The following STAG2 variants were observed in gnomAD, a reference collection of about 807,000 sequenced individuals.
The protein encoded by STAG2 is cohesin subunit SA-2.
Under a neutral mutation model 108.1 loss-of-function variants are expected in STAG2, and 14 were observed. That is an observed-to-expected ratio of 0.13 (90% confidence interval 0.09 to 0.20). STAG2 has a LOEUF of 0.20. Among genes scored for constraint, STAG2 ranks in the 10% least tolerant of loss-of-function variants. The pLI, the probability that STAG2 is intolerant of heterozygous loss-of-function variation, is 1.00. For missense variants in STAG2, 440 were observed against 940.9 expected, an observed-to-expected ratio of 0.47 and a Z score of 6.96; for synonymous variants, 307 against 302.7, an observed-to-expected ratio of 1.01 and a Z score of -0.15.
intron 1 of STAG2, among the ~76,000 whole-genome samples, chrX:124,014,130 T>C (rs1321950845): frequency 9.0e-6 from 1 of 111,364 alleles, no homozygotes; most frequent in African/African-American, 3.3e-5. Flanking sequence ...TATAATACGC[T>C]TAAAAATAGG....
intron 1 of STAG2, among the ~76,000 whole-genome samples, chrX:124,011,501 A>G (rs1378966808): frequency 8.9e-6 from 1 of 111,791 alleles, no homozygotes; most frequent in Non-Finnish European, 1.9e-5. Context: ...CCTTGAGTAT[A>G]ATATTAGCTA....
At position 124,076,422 on chromosome X, in the gene STAG2, C is replaced by G; in HGVS notation, c.2624C>G (p.Thr875Ser). ...GCATTTTGTAAGCTAATTGTATATA[C>G]TGTGGTGGAGATGAATACAGCTGCA... ...LAAFCKLIVY[T>S]VVEMNTAADI... Residue 875 changes from threonine to serine, a missense_variant, in exon 26 of 35, where the codon ACT (threonine) becomes AGT (serine). By Grantham distance (58) the Thr-to-Ser change is moderately conservative. Around this residue, in one of 3 missense-constraint regions of STAG2, gnomAD observed 337 missense variants for 649.3 expected, o/e 0.52. Coordinates refer to ENST00000371145, the MANE Select transcript of STAG2 (RefSeq NM_001042750.2). 7 of 1,204,031 alleles carry G rather than the reference C, an allele frequency of 5.8e-6. No individual in the cohort carries two copies. The highest frequency in any genetic ancestry group is 7.8e-6 in the Non-Finnish European group (7 of 891,958).
intron 6 of STAG2, among the ~76,000 whole-genome samples, chrX:124,040,254 A>G (rs2057666942): frequency 9.0e-6 from 1 of 111,456 alleles, no homozygotes; most frequent in East Asian, 2.8e-4. Flanking sequence ...GCATGGAGGG[A>G]TATTTAACTC....
At chrX:123,993,134 A>G (rs2055560446) in intron 1 of STAG2, among the ~76,000 whole-genome samples, 1 of 111,266 alleles carries the variant, frequency 9.0e-6, no homozygotes, top group African/African-American at 3.3e-5. Flanking sequence ...TATTTAGACT[A>G]AAAACTGGGT....
At chrX:124,025,764 T>C (rs1219483220) in intron 3 of STAG2, 76 bp from the exon 4 acceptor site, 2 of 748,307 alleles carry the variant, frequency 2.7e-6, no homozygotes, top group Non-Finnish European at 3.8e-6. Flanking sequence ...GCCTTTCTTT[T>C]AGAAAATATG....
Position 124,101,599 on chromosome X carries a change from A to G in STAG2, c.*1002A>G. The G allele has an allele frequency of 6.3e-6, 1 of 159,212 alleles. No individual in the cohort carries two copies. Among genetic ancestry groups the G allele is most frequent in the Non-Finnish European group, 1.2e-5 (1 of 82,193 alleles). 13.1% of individuals were successfully genotyped at this position (159,212 alleles called of 1,213,427 possible). A position where few individuals can be genotyped will look rare whatever the true frequency, so the allele number is the denominator to read the frequency against. ...TTCAGAAATATATTGAAAGTTTAACAATGTTTAAAAATAGAAAAGCATGAG... is the reference window on the plus strand; with the variant it reads ...TTCAGAAATATATTGAAAGTTTAACGATGTTTAAAAATAGAAAAGCATGAG... On this transcript the variant is annotated 3_prime_UTR_variant, in exon 35 of 35. Coordinates refer to ENST00000371145, the MANE Select transcript of STAG2 (RefSeq NM_001042750.2).
At chrX:124,071,048 GT>G in intron 24 of STAG2, 100 bp from the exon 25 acceptor site, 1 of 612,840 alleles carries the variant, frequency 1.6e-6, no homozygotes, top group Non-Finnish European at 2.3e-6. Context: ...AATATAGAAA[GT>G]TGGATTCTGT....
At chrX:123,999,789 A>G (rs933369594) in intron 1 of STAG2, among the ~76,000 whole-genome samples, 7 of 109,910 alleles carry the variant, frequency 6.4e-5, no homozygotes, top group East Asian at 2.9e-4. Flanking sequence ...TAATTTTTAT[A>G]TATTTTGTGT....
In STAG2 at chrX:124,009,945, G is replaced by A. The variant is rs2056464428; in HGVS notation, c.-162-11422G>A. Among the ~76,000 whole-genome samples the A allele has an allele frequency of 2.7e-5, 3 of 111,269 alleles. No individual in the cohort carries two copies. In the Admixed American group the frequency reaches 2.9e-4, roughly 11 times the overall value. ...GACAAAAAGTCTCAAAATATTCTGA[G>A]TGTAGATATCAATGATTAGTGTCTT... is the stretch of plus-strand genomic sequence containing the variant. On this transcript the variant is annotated intron_variant, in intron 1 of 34. Transcript: ENST00000371145.
intron 1 of STAG2, among the ~76,000 whole-genome samples, chrX:123,963,614 G>T (rs1462790478): frequency 1.6e-4 from 16 of 98,359 alleles, no homozygotes; most frequent in Non-Finnish European, 2.2e-4. Flanking sequence ...TTAAATAGTC[G>T]ATTTTTTTTT....
intron 33 of STAG2, 32 bp downstream of exon 33, chrX:124,094,176 CAGTTT>C (rs752992690): frequency 1.7e-6 from 2 of 1,159,059 alleles, no homozygotes; most frequent in African/African-American, 3.6e-5. Context: ...GTAAGATTTT[CAGTTT>C]AGATCTTTTG....
rs34656679 is a variant in STAG2 at position 124,002,353 on chromosome X, C to T, written c.-162-19014C>T. Among the ~76,000 whole-genome samples the T allele has an allele frequency of 7.0e-3, 781 of 112,071 alleles. 7 individuals are homozygous for T. Among genetic ancestry groups the T allele is most frequent in the African/African-American group, 0.024 (731 of 30,880 alleles). ...GTAAAATCTTACAATAGTAGATACA[C>T]CACAGTCTTCATATAATCCCAACTC... On this transcript the variant is annotated intron_variant, in intron 1 of 34. Coordinates refer to ENST00000371145, the MANE Select transcript of STAG2 (RefSeq NM_001042750.2).
At chrX:123,994,322 A>G (rs962742951) in intron 1 of STAG2, among the ~76,000 whole-genome samples, 5 of 111,625 alleles carry the variant, frequency 4.5e-5, no homozygotes, top group African/African-American at 1.6e-4. Flanking sequence ...CAAGTCATTC[A>G]TGAGGGATCT....
At chrX:123,976,824 T>A (rs1250824518) in intron 1 of STAG2, among the ~76,000 whole-genome samples, 1 of 112,038 alleles carries the variant, frequency 8.9e-6, no homozygotes, top group Non-Finnish European at 1.9e-5. Flanking sequence ...ACTTTTTGAA[T>A]CCAATTCTGC....
chrX:124,011,995 A>G (rs1295160005), intron 1 of STAG2, among the ~76,000 whole-genome samples: 1 of 111,564 alleles, frequency 9.0e-6, no homozygotes, highest in Non-Finnish European at 1.9e-5. Flanking sequence ...AGTGTTTTTT[A>G]TAGTGAAAGG....
chrX:123,962,798 C>T (rs1302741417), intron 1 of STAG2, among the ~76,000 whole-genome samples: 1 of 111,306 alleles, frequency 9.0e-6, no homozygotes, highest in Non-Finnish European at 1.9e-5. Context: ...CCCCTTCTCC[C>T]ACCATAAAGC....
At position 124,030,976 on chromosome X, in the gene STAG2, A is replaced by C. The variant is rs1348108191; in HGVS notation, c.139A>C (p.Lys47Gln). The C allele has an allele frequency of 8.3e-7, 1 of 1,198,673 alleles. No homozygotes were observed. ...TTTTATGCAGACTTGTAAAAAAGGCAAAAAGGGCCCAGCAGAAAAGGGCAA... is the reference window on the plus strand; with the variant it reads ...TTTTATGCAGACTTGTAAAAAAGGCCAAAAGGGCCCAGCAGAAAAGGGCAA... ...QGKGKTCKKG[K>Q]KGPAEKGKGG... is the part of the protein sequence containing the mutation. Residue 47 changes from lysine to glutamine, a missense_variant, in exon 5 of 35, where the codon AAA becomes CAA. By Grantham distance (53) the Lys-to-Gln change is moderately conservative. Coordinates refer to ENST00000371145, the MANE Select transcript of STAG2 (RefSeq NM_001042750.2).
chrX:124,033,994 C>G (rs1444217950), intron 5 of STAG2, among the ~76,000 whole-genome samples: 1 of 111,072 alleles, frequency 9.0e-6, no homozygotes, highest in Non-Finnish European at 1.9e-5. Flanking sequence ...TCTATAGGCT[C>G]CACTTCTTAA....
chrX:124,091,542 C>T (rs1603189077), intron 32 of STAG2, among the ~76,000 whole-genome samples: 3 of 112,610 alleles, frequency 2.7e-5, no homozygotes, highest in Admixed American at 1.9e-4. Context: ...GCCCCTGCCA[C>T]GTTTTAGTAT....
Sources: gnomAD v4.1 joint callset for allele counts (sites outside exome capture counted in the v4.1 genomes callset) on GRCh38, gnomAD v4.1.1 for gene constraint, gnomAD v4.1.1 regional missense constraint, MANE v1.5 for transcripts, NCBI Gene and HGNC (gene_info 2026-07-23, HGNC 2026-07-21) for gene names.